BRDT: variants seen among roughly 807,000 people sequenced by gnomAD.
The protein encoded by BRDT is bromodomain testis associated, also known as bromodomain testis-specific protein.
BRDT carries 77 observed loss-of-function variants against 113.9 expected under a neutral mutation model. The observed-to-expected ratio is 0.68, with a 90% CI of 0.56 to 0.82. BRDT has a LOEUF of 0.82. Ranked by LOEUF, BRDT falls within the 40% of genes least tolerant of loss-of-function variation. BRDT has a pLI of 0.00. For synonymous variants in BRDT, 358 were observed against 366.5 expected, an observed-to-expected ratio of 0.98 and a Z score of 0.26; for missense variants, 1,027 against 1,105.4, an observed-to-expected ratio of 0.93 and a Z score of 1.01.
At chr1:92,005,008 C>A in intron 17 of BRDT, 111 bp from the exon 18 acceptor site, 2 of 814,594 alleles carry the variant, frequency 2.5e-6, no homozygotes, top group Non-Finnish European at 3.5e-6. Flanking sequence ...AATGTTATAA[C>A]ATGAACATGG....
At chr1:91,997,367 C>T (rs1432055382) in intron 15 of BRDT, among the ~76,000 whole-genome samples, 1 of 152,028 alleles carries the variant, frequency 6.6e-6, no homozygotes, top group African/African-American at 2.4e-5. Context: ...ATATTTGTGG[C>T]TTTAACAGGA....
In BRDT at chr1:91,962,945, C is replaced by CT. The variant is rs1682646147; in HGVS notation, c.192dup (p.Asp65Ter). On this transcript the variant is annotated frameshift_variant and splice_region_variant, in exon 2 of 19. Coordinates refer to ENST00000399546, the MANE Select transcript of BRDT (RefSeq NM_207189.4). LOFTEE classifies it high-confidence loss of function. The stretch of plus-strand genomic sequence containing the variant: ...GTGGATGCTGTGAAACTACAGTTGC[C>CT]TGTATGTATGTCTTCAACTATGTTA... The CT allele has an allele frequency of 6.3e-7, 1 of 1,582,272 alleles. No individual in the cohort carries two copies. Among genetic ancestry groups the CT allele is most frequent in the East Asian group, 2.3e-5 (1 of 44,252 alleles).
chr1:91,950,054 C>G (rs897900758), intron 1 of BRDT: 1 of 152,088 alleles, frequency 6.6e-6, no homozygotes, highest in Non-Finnish European at 1.5e-5. Flanking sequence ...TTTATTTATT[C>G]AATTAACTTT....
At chr1:92,012,662 A>G (rs1018260293) in intron 18 of BRDT, among the ~76,000 whole-genome samples, 1 of 152,166 alleles carries the variant, frequency 6.6e-6, no homozygotes, top group Non-Finnish European at 1.5e-5. Flanking sequence ...TGTAATCCCA[A>G]CACTTTGGGA....
At chr1:91,993,422 A>G (rs940978390) in intron 14 of BRDT, among the ~76,000 whole-genome samples, 1 of 152,204 alleles carries the variant, frequency 6.6e-6, no homozygotes, top group Admixed American at 6.5e-5. Context: ...TATTATTTCT[A>G]GAAAATGTAA....
chr1:91,992,693 G>T (rs1365910370), intron 14 of BRDT, among the ~76,000 whole-genome samples: 1 of 152,090 alleles, frequency 6.6e-6, no homozygotes, highest in African/African-American at 2.4e-5. Context: ...ACACCACCAT[G>T]CCCAGCTAAT....
intron 2 of BRDT, 63 bp downstream of exon 2, chr1:91,963,009 C>T: frequency 1.6e-6 from 2 of 1,282,992 alleles, no homozygotes; most frequent in South Asian, 1.6e-5. Context: ...TTCTGTAAGA[C>T]ATAACTAGTC....
chr1:91,993,347 C>G (rs1685975902), intron 14 of BRDT, among the ~76,000 whole-genome samples: 1 of 152,192 alleles, frequency 6.6e-6, no homozygotes, highest in African/African-American at 2.4e-5. Flanking sequence ...GATAAGGCTA[C>G]TGGGCTTTGC....
At position 92,011,456 on chromosome 1, in the gene BRDT, G is replaced by A. The variant is rs143194959; in HGVS notation, c.2776-2750G>A. Reference sequence around the variant, plus strand: ...TTTTAGGAACTCATTGTTAAATTTCGTTAGTAGTTGACCTAAAGTCTTTCT... The same window carrying A: ...TTTTAGGAACTCATTGTTAAATTTCATTAGTAGTTGACCTAAAGTCTTTCT... On this transcript the variant is annotated intron_variant, in intron 18 of 18. Transcript: ENST00000399546. Among the ~76,000 whole-genome samples, 286 of 152,092 alleles carry A rather than the reference G, an allele frequency of 1.9e-3. 1 individual carries two copies. The highest frequency in any genetic ancestry group is 3.4e-3 in the Middle Eastern group (1 of 294).
At position 91,979,011 on chromosome 1, in the gene BRDT, A is replaced by AAAAC. The variant is rs1553189994; in HGVS notation, c.1099-556_1099-555insACAA. Among the ~76,000 whole-genome samples, 394 of 130,772 alleles carry AAAAC rather than the reference A, an allele frequency of 3.0e-3. 2 individuals carry two copies. Among genetic ancestry groups the AAAAC allele is most frequent in the Non-Finnish European group, 4.2e-3 (272 of 64,106 alleles). The allele number at this position is 130,772 out of a possible 152,430, so 85.8% of individuals were successfully genotyped here. ...AGACTACGTCTCAAAAAAAAAAAAA[A>AAAAC]AACAACAACAACAACAAAAAAAACC... On this transcript the variant is annotated intron_variant, in intron 7 of 18. Transcript: ENST00000399546.
rs1038821555 is a variant in BRDT, at chr1:91,980,742, A to G, written c.1387A>G (p.Lys463Glu). The G allele has an allele frequency of 6.2e-7, 1 of 1,608,094 alleles. No individual in the cohort carries two copies. Among genetic ancestry groups the G allele is most frequent in the African/African-American group, 1.3e-5 (1 of 74,364 alleles). Reference sequence around the variant, plus strand: ...GTCTAAAAAGGAAAAGAAAAAAGAAAAGGTTAATAACAGCAATGAAAATCC... The same window carrying G: ...GTCTAAAAAGGAAAAGAAAAAAGAAGAGGTTAATAACAGCAATGAAAATCC... ...EKSKKEKKKE[K>E]VNNSNENPRK... Residue 463 changes from lysine to glutamate, a missense_variant, in exon 9 of 19, where the codon AAG (lysine) becomes GAG (glutamate). Transcript: ENST00000399546.
chr1:91,985,795 C>G (rs181270899), intron 12 of BRDT, among the ~76,000 whole-genome samples: 1 of 151,802 alleles, frequency 6.6e-6, no homozygotes, highest in African/African-American at 2.4e-5. Flanking sequence ...CCCGCCACCA[C>G]GCCCGGCTAA....
intron 18 of BRDT, among the ~76,000 whole-genome samples, chr1:92,009,280 G>A (rs1258302844): frequency 6.6e-6 from 1 of 152,012 alleles, no homozygotes; most frequent in Non-Finnish European, 1.5e-5. Context: ...CTATGTTGTT[G>A]AAAATGATGG....
At chr1:92,010,575 C>T (rs1687710101) in intron 18 of BRDT, among the ~76,000 whole-genome samples, 1 of 152,030 alleles carries the variant, frequency 6.6e-6, no homozygotes, top group Non-Finnish European at 1.5e-5. Flanking sequence ...GCATGAGCCA[C>T]CTGCACCTGG....
At chr1:91,967,439 C>T (rs908773609) in intron 3 of BRDT, among the ~76,000 whole-genome samples, 1 of 151,082 alleles carries the variant, frequency 6.6e-6, no homozygotes, top group Non-Finnish European at 1.5e-5. Context: ...GCTCTTGTTG[C>T]CCAGGCTGGA....
intron 5 of BRDT, 54 bp downstream of exon 5, chr1:91,976,492 TC>T: frequency 7.1e-7 from 1 of 1,412,498 alleles, no homozygotes; most frequent in South Asian, 1.6e-5. Context: ...ATTTTTTTTT[TC>T]CATTTATAGG....
chr1:91,993,567 T>G (rs1409103009), intron 14 of BRDT, among the ~76,000 whole-genome samples: 1 of 152,220 alleles, frequency 6.6e-6, no homozygotes, highest in African/African-American at 2.4e-5. Flanking sequence ...CAGCTTTTAT[T>G]TAATAGTTAC....
chr1:91,960,390 A>G (rs561491086), intron 1 of BRDT, among the ~76,000 whole-genome samples: 22 of 152,368 alleles, frequency 1.4e-4, no homozygotes, highest in African/African-American at 5.3e-4. Flanking sequence ...AACACACGCT[A>G]CAACATGGAT....
intron 4 of BRDT, among the ~76,000 whole-genome samples, chr1:91,974,512 C>A (rs1402034402): frequency 6.6e-6 from 1 of 152,190 alleles, no homozygotes; most frequent in Non-Finnish European, 1.5e-5. Context: ...ATTTATGCAG[C>A]CAGCAGACAC....
Sources: gnomAD v4.1 joint callset for allele counts (sites outside exome capture counted in the v4.1 genomes callset) on GRCh38, gnomAD v4.1.1 for gene constraint, MANE v1.5 for transcripts, NCBI Gene and HGNC (gene_info 2026-07-23, HGNC 2026-07-21) for gene names.